The following MYO7B variants were observed in gnomAD, a reference collection of about 807,000 sequenced individuals.
MYO7B encodes myosin VIIB, also known as unconventional myosin-VIIb.
Under a neutral mutation model 259.7 loss-of-function variants are expected in MYO7B, and 212 were observed. The observed-to-expected ratio is 0.82, with a 90% confidence interval of 0.73 to 0.91. MYO7B has a LOEUF of 0.91. MYO7B is among the 40% of genes least tolerant of loss of function. The pLI is 0.00. For missense variants in MYO7B, 2,732 were observed against 2,813.5 expected (o/e 0.97, Z 0.66); for synonymous variants, 1,197 against 1,166.4 (o/e 1.03, Z -0.54).
At chr2:127,581,018 G>A (rs1367351115) in intron 10 of MYO7B, among the ~76,000 whole-genome samples, 196 bp downstream of exon 10, 3 of 152,190 alleles carry the variant, frequency 2.0e-5, no homozygotes, top group East Asian at 1.9e-4. Flanking sequence ...CAAACAGAGC[G>A]GCGGAATGGC....
At chr2:127,600,339 T>A (rs575979601) in intron 19 of MYO7B, among the ~76,000 whole-genome samples, 1 of 152,352 alleles carries the variant, frequency 6.6e-6, no homozygotes, top group African/African-American at 2.4e-5. Flanking sequence ...TGTAATGATA[T>A]CCCCTGTGTC....
intron 19 of MYO7B, among the ~76,000 whole-genome samples, chr2:127,600,729 A>G (rs1479085531): frequency 6.6e-6 from 1 of 152,240 alleles, no homozygotes; most frequent in Non-Finnish European, 1.5e-5. Flanking sequence ...AAAACAAAAC[A>G]AAACAAAAAA....
intron 9 of MYO7B, 108 bp from the exon 10 acceptor site, chr2:127,580,638 C>T (rs765613081): frequency 3.8e-5 from 41 of 1,076,888 alleles, no homozygotes; most frequent in Admixed American, 8.5e-5. Context: ...GCCAGGGCAG[C>T]TGTCCTCCTG....
intron 2 of MYO7B, among the ~76,000 whole-genome samples, chr2:127,562,557 C>T (rs1434667907): frequency 2.2e-5 from 3 of 136,384 alleles, no homozygotes; most frequent in East Asian, 4.6e-4. Flanking sequence ...GGCATGATCT[C>T]GGTCACTGCA....
intron 41 of MYO7B, 37 bp downstream of exon 41, chr2:127,634,326 C>G: frequency 1.4e-6 from 2 of 1,466,180 alleles, no homozygotes; most frequent in Non-Finnish European, 1.8e-6. Flanking sequence ...GGTGGGCGGA[C>G]GGGCAGTGAG....
chr2:127,564,781 C>T (rs1384185715), intron 3 of MYO7B, among the ~76,000 whole-genome samples: 1 of 152,186 alleles, frequency 6.6e-6, no homozygotes, highest in Non-Finnish European at 1.5e-5. Flanking sequence ...AGTTTCTAGG[C>T]TGTGGCCTGT....
Position 127,633,276 on chromosome 2 carries a change from G to GCC in MYO7B, c.5428_5429dup (p.His1811ArgfsTer80). The GCC allele has an allele frequency of 6.2e-7, 1 of 1,611,784 alleles. No homozygotes were observed. ...CCCTCAGGACGGGGCCCCGGAAGCA[G>GCC]CCCCCGCACCAGGTGGAGGTGGAGG... On this transcript the variant is annotated frameshift_variant, in exon 40 of 48. Coordinates refer to ENST00000409816, the MANE Select transcript of MYO7B (RefSeq NM_001393586.1). LOFTEE classifies it high-confidence loss of function.
In MYO7B at chr2:127,628,554, TG is replaced by T. The variant is rs57755685; in HGVS notation, c.4624+23del. ...GCCACAGGTGCCAGACTGGGTGGGG[TG>T]GGGTGGGGTGGGGTGGGGTGGGGGA... is the stretch of plus-strand genomic sequence containing the variant. On this transcript the variant is annotated intron_variant, in intron 34 of 47. Transcript: ENST00000409816. This position sits in a 1 kb window ranked among gnomAD's most constrained non-coding sequence, Gnocchi z 4.8. 202 of 46,898 alleles carry T rather than the reference TG, an allele frequency of 4.3e-3. 1 individual carries two copies. In the African/African-American group the frequency reaches 0.08, roughly 19 times the overall value. The allele number at this position is 46,898 out of a possible 1,614,324, so 2.9% of individuals were successfully genotyped here. A position where few individuals can be genotyped will look rare whatever the true frequency, so the allele number is the denominator to read the frequency against.
rs1016710136 is a variant in MYO7B at position 127,635,917 on chromosome 2, C to T, written c.6006+10C>T. ...GGAGGAGTGGAAAAAGGTCCCTGGT[C>T]GGGCTGGGGAAGGGTTCTTGTGCTG... On this transcript the variant is annotated intron_variant, in intron 44 of 47. Transcript: ENST00000409816. 6.4e-6 allele frequency: 10 copies of T among 1,559,854 alleles called. No individual in the cohort carries two copies. The highest frequency in any genetic ancestry group is 3.6e-5 in the South Asian group (3 of 84,470).
At chr2:127,624,757 C>T (rs925961509) in intron 30 of MYO7B, among the ~76,000 whole-genome samples, 3 of 152,188 alleles carry the variant, frequency 2.0e-5, no homozygotes, top group Non-Finnish European at 2.9e-5. Flanking sequence ...CTGGACCGTG[C>T]GGAGTGTACC....
At chr2:127,574,469 G>A (rs1169897818) in intron 7 of MYO7B, among the ~76,000 whole-genome samples, 2 of 152,236 alleles carry the variant, frequency 1.3e-5, no homozygotes, top group Admixed American at 6.5e-5. Context: ...GAGCCTAGGA[G>A]GCAGAGGTTG....
chr2:127,636,743 C>T lies in MYO7B; in HGVS notation c.6208-51C>T, dbSNP rs1324778609. 2.5e-6 allele frequency: 4 copies of T among 1,612,076 alleles called. No individual in the cohort carries two copies. In the African/African-American group the frequency reaches 5.3e-5, roughly 22 times the overall value. Reference sequence around the variant, plus strand: ...CCTCTCTCCTGTCCCCTAACACACACAGAGCCCGTGCTCTGGAGGCGTCCG... The same window carrying T: ...CCTCTCTCCTGTCCCCTAACACACATAGAGCCCGTGCTCTGGAGGCGTCCG... On this transcript the variant is annotated intron_variant, in intron 46 of 47. Transcript: ENST00000409816. This position sits in a 1 kb window ranked among gnomAD's most constrained non-coding sequence, Gnocchi z 4.5.
In MYO7B at chr2:127,636,853, CT is replaced by C; in HGVS notation, c.6269del (p.Phe2090SerfsTer28). 1 of 1,611,532 alleles carries C rather than the reference CT, an allele frequency of 6.2e-7. No homozygotes were observed. Among genetic ancestry groups the C allele is most frequent in the East Asian group, 2.2e-5 (1 of 44,708 alleles). On this transcript the variant is annotated frameshift_variant, in exon 47 of 48. Coordinates refer to ENST00000409816, the MANE Select transcript of MYO7B (RefSeq NM_001393586.1). LOFTEE classifies it high-confidence loss of function. This position sits in a 1 kb window ranked among gnomAD's most constrained non-coding sequence, Gnocchi z 4.5. ...CCAGCTGGAGCAGCGGCAGCACCTA[CT>C]TCCACATGGCGCTGGGGAGCCTGGG... The part of the protein sequence containing the change: ...ISSWSSGSTY[F>X]HMALGSLGRG...
chr2:127,632,183 A>C (rs373505690), intron 38 of MYO7B, 63 bp from the exon 39 acceptor site: 6 of 1,542,720 alleles, frequency 3.9e-6, no homozygotes, highest in Non-Finnish European at 5.2e-6. Context: ...CTGCTCCCCA[A>C]GGTGCCTGCC....
At chr2:127,605,801 A>G (rs745469636) in intron 19 of MYO7B, 43 bp from the exon 20 acceptor site, 1 of 1,574,300 alleles carries the variant, frequency 6.4e-7, no homozygotes, top group Non-Finnish European at 8.7e-7. Context: ...GCTTTAAACC[A>G]TCTGGGATTG....
At chr2:127,565,920 C>T (rs187599766) in intron 4 of MYO7B, among the ~76,000 whole-genome samples, 230 of 152,372 alleles carry the variant, frequency 1.5e-3, no homozygotes, top group African/African-American at 5.3e-3. Context: ...GACACCAGTT[C>T]GGCCTAAGTA....
chr2:127,617,071 C>T (rs189999568), intron 26 of MYO7B, among the ~76,000 whole-genome samples: 1 of 152,180 alleles, frequency 6.6e-6, no homozygotes, highest in Non-Finnish European at 1.5e-5. Flanking sequence ...TTAGCCATTG[C>T]CTGAGTCAAC....
At chr2:127,557,626 G>C (rs1033050650) in intron 1 of MYO7B, among the ~76,000 whole-genome samples, 1 of 152,082 alleles carries the variant, frequency 6.6e-6, no homozygotes, top group Non-Finnish European at 1.5e-5. Context: ...CCCTTTTGTG[G>C]TATTGGTATA....
At chr2:127,617,534 C>T (rs1159007305) in intron 26 of MYO7B, among the ~76,000 whole-genome samples, 6 of 111,516 alleles carry the variant, frequency 5.4e-5, no homozygotes, top group Non-Finnish European at 6.6e-5. Context: ...CTCGCTCTGT[C>T]GCCCAGGCCA....
Sources: gnomAD v4.1 joint callset for allele counts (sites outside exome capture counted in the v4.1 genomes callset) on GRCh38, gnomAD v4.1.1 for gene constraint, Gnocchi (gnomAD v3.1) non-coding constraint, MANE v1.5 for transcripts, NCBI Gene and HGNC (gene_info 2026-07-23, HGNC 2026-07-21) for gene names.